Variants in TRPM1 observed in about 807,000 individuals in gnomAD.
TRPM1 encodes transient receptor potential cation channel subfamily M member 1, also known as TRPM1-203 APA Isoform, Intron 10.
A neutral mutation model predicts 149.4 loss-of-function variants in TRPM1; 113 were observed. That is an observed-to-expected ratio of 0.76 (90% CI 0.65 to 0.88). The LOEUF is 0.88. Ranked by LOEUF, TRPM1 falls within the 40% of genes least tolerant of loss-of-function variation. The pLI is 0.00. For synonymous variants in TRPM1, 741 were observed against 759.5 expected, an observed-to-expected ratio of 0.98 and a Z score of 0.40; for missense variants, 1,976 against 2,038.7, an observed-to-expected ratio of 0.97 and a Z score of 0.59.
intron 1 of TRPM1, among the ~76,000 whole-genome samples, chr15:31,117,687 CA>C: frequency 6.7e-6 from 1 of 150,226 alleles, no homozygotes; most frequent in Non-Finnish European, 1.5e-5. Flanking sequence ...CACACACACA[CA>C]CACACACACA....
intron 27 of TRPM1, among the ~76,000 whole-genome samples, chr15:31,025,172 A>C (rs1006285038): frequency 6.6e-6 from 1 of 152,172 alleles, no homozygotes; most frequent in African/African-American, 2.4e-5. Context: ...AATTCTGTGT[A>C]CTCAAGGATA....
chr15:31,083,787 C>T (rs2034925325), intron 1 of TRPM1, among the ~76,000 whole-genome samples: 1 of 152,186 alleles, frequency 6.6e-6, no homozygotes, highest in African/African-American at 2.4e-5. Flanking sequence ...CAGCCTCCTG[C>T]CCCTAGCTGC....
At position 31,069,866 on chromosome 15, in the gene TRPM1, TA is replaced by T. The variant is rs1449779698; in HGVS notation, c.279+164del. On this transcript the variant is annotated intron_variant, in intron 4 of 27. Coordinates refer to ENST00000256552, the MANE Select transcript of TRPM1 (RefSeq NM_001252024.2). ...GTGTCCAGTTTCCAAGCCTCATGGC[TA>T]AAAGCCATGTGCACAGATATATCTC... 38 of 1,582,072 alleles carry T rather than the reference TA, an allele frequency of 2.4e-5. No homozygotes were observed. The East Asian group carries it at 8.5e-4, about 35-fold the overall frequency.
At chr15:31,084,671 CTTTTCT>C (rs2034949606) in intron 1 of TRPM1, among the ~76,000 whole-genome samples, 1 of 140,398 alleles carries the variant, frequency 7.1e-6, no homozygotes, top group African/African-American at 2.7e-5. Flanking sequence ...TTTCTTTTTT[CTTTTCT>C]TTTTTTTTTT....
At chr15:31,088,321 G>C (rs146298890) in intron 1 of TRPM1, among the ~76,000 whole-genome samples, 262 of 152,300 alleles carry the variant, frequency 1.7e-3, no homozygotes, top group African/African-American at 5.8e-3. Context: ...CTGGCAATCC[G>C]CTCGGGTCTC....
intron 27 of TRPM1, among the ~76,000 whole-genome samples, chr15:31,023,753 G>A (rs2032626700): frequency 1.3e-5 from 2 of 152,174 alleles, no homozygotes; most frequent in Non-Finnish European, 2.9e-5. Flanking sequence ...AACCCTGAGA[G>A]CAGGGCCCCT....
At chr15:31,128,366 T>A (rs558576755) in intron 1 of TRPM1, among the ~76,000 whole-genome samples, 1 of 152,196 alleles carries the variant, frequency 6.6e-6, no homozygotes, top group East Asian at 1.9e-4. Flanking sequence ...TCTCTTTCGC[T>A]TGTGGGCTGC....
chr15:31,160,289 T>C (rs1392038203), intron 1 of TRPM1, among the ~76,000 whole-genome samples: 1 of 152,148 alleles, frequency 6.6e-6, no homozygotes, highest in Non-Finnish European at 1.5e-5. Flanking sequence ...CAAATCAGCA[T>C]GTGCTGTGGG....
intron 11 of TRPM1, among the ~76,000 whole-genome samples, chr15:31,053,319 T>G (rs1019741892): frequency 3.3e-5 from 5 of 152,092 alleles, no homozygotes; most frequent in African/African-American, 1.2e-4. Context: ...GGCACGATGT[T>G]GGCTCACTGC....
intron 1 of TRPM1, among the ~76,000 whole-genome samples, chr15:31,108,103 C>T (rs1225483371): frequency 6.6e-6 from 1 of 152,176 alleles, no homozygotes; most frequent in Non-Finnish European, 1.5e-5. Flanking sequence ...GGTGATCCAC[C>T]AACCTCGGCC....
intron 9 of TRPM1, 73 bp downstream of exon 9, chr15:31,062,506 C>G: frequency 1.3e-6 from 2 of 1,587,766 alleles, no homozygotes; most frequent in Non-Finnish European, 8.6e-7. Flanking sequence ...GTCATGCACA[C>G]ATGGGCGGAA....
chr15:31,115,799 C>CA (rs949920785), intron 1 of TRPM1, among the ~76,000 whole-genome samples: 7 of 151,584 alleles, frequency 4.6e-5, no homozygotes, highest in African/African-American at 1.2e-4. Context: ...GCGGCTAAAA[C>CA]AAAAAATGTC....
At chr15:31,104,338 C>T (rs2035569130), upstream of TRPM1, among the ~76,000 whole-genome samples, 1 of 152,128 alleles carries the variant, frequency 6.6e-6, no homozygotes, top group Non-Finnish European at 1.5e-5. Context: ...CAGGTGGAGG[C>T]CCAAGGGTCC....
Position 31,040,250 on chromosome 15 carries a change from C to A in TRPM1, c.2184G>T (p.Trp728Cys). 2 of 1,614,198 alleles carry A rather than the reference C, an allele frequency of 1.2e-6. No homozygotes were observed. The highest frequency in any genetic ancestry group is 1.7e-6 in the Non-Finnish European group (2 of 1,180,026). Residue 728 changes from tryptophan to cysteine, a missense_variant, in exon 18 of 28, where the codon TGG becomes TGT. Transcript: ENST00000256552. The surrounding 1 kb of genome is among the most constrained non-coding windows in gnomAD (Gnocchi z 4.2). ...MKLLTYELKN[W>C]SNSTCLKLAV... ...CCAGTTTGAGGCAGGTCGAGTTGCTCCAGTTTTTCAGCTCGTAGGTCAGGA... is the reference window on the plus strand; with the variant it reads ...CCAGTTTGAGGCAGGTCGAGTTGCTACAGTTTTTCAGCTCGTAGGTCAGGA...
intron 20 of TRPM1, among the ~76,000 whole-genome samples, chr15:31,036,982 C>T (rs888664284): frequency 1.3e-5 from 2 of 152,246 alleles, no homozygotes; most frequent in African/African-American, 4.8e-5. Context: ...GCCTGCCTGG[C>T]GGGGGCTGTG....
chr15:31,089,631 A>T (rs1343256763), intron 1 of TRPM1, among the ~76,000 whole-genome samples: 1 of 152,154 alleles, frequency 6.6e-6, no homozygotes, highest in Non-Finnish European at 1.5e-5. Context: ...TTTGTAATTG[A>T]TGAGACGGGT....
At chr15:31,108,283 C>T (rs1454156569) in intron 1 of TRPM1, among the ~76,000 whole-genome samples, 1 of 152,144 alleles carries the variant, frequency 6.6e-6, no homozygotes, top group East Asian at 1.9e-4. Flanking sequence ...ATGGTCTGTC[C>T]TAGAGAATGG....
At chr15:31,087,409 GC>G (rs1463273644) in intron 1 of TRPM1, among the ~76,000 whole-genome samples, 3 of 151,026 alleles carry the variant, frequency 2.0e-5, no homozygotes, top group Admixed American at 6.6e-5. Flanking sequence ...CCATCACCAC[GC>G]CCCGCTAATT....
At chr15:31,128,626 A>G (rs937901148) in intron 1 of TRPM1, among the ~76,000 whole-genome samples, 4 of 152,146 alleles carry the variant, frequency 2.6e-5, no homozygotes, top group African/African-American at 4.8e-5. Context: ...TTCCAGAGCC[A>G]TGAAGCCACC....
Sources: allele counts gnomAD v4.1 joint callset (sites outside exome capture counted in the v4.1 genomes callset), GRCh38; gene constraint gnomAD v4.1.1; non-coding constraint Gnocchi (gnomAD v3.1); transcripts MANE v1.5; gene names NCBI Gene and HGNC (gene_info 2026-07-23, HGNC 2026-07-21).